GRIA2: variants seen among roughly 807,000 people sequenced by gnomAD.
The protein encoded by GRIA2 is glutamate receptor 2.
Under a neutral mutation model 97.3 loss-of-function variants are expected in GRIA2, and 14 were observed. The observed-to-expected ratio is 0.14, with a 90% CI of 0.10 to 0.23. The LOEUF (loss-of-function observed/expected upper bound fraction) is 0.23, where lower values mean the gene tolerates loss of function less well. GRIA2 is among the 10% of genes least tolerant of loss of function. GRIA2 has a pLI of 1.00. For missense variants in GRIA2, 558 were observed against 1,069.8 expected, an observed-to-expected ratio of 0.52 and a Z score of 6.67; for synonymous variants, 412 against 387.8, an observed-to-expected ratio of 1.06 and a Z score of -0.73.
At chr4:157,279,558 CA>C (rs1274741764) in intron 2 of GRIA2, among the ~76,000 whole-genome samples, 1 of 152,014 alleles carries the variant, frequency 6.6e-6, no homozygotes, top group African/African-American at 2.4e-5. Context: ...GGGATGTCCA[CA>C]GTAAAGAACT....
intron 2 of GRIA2, among the ~76,000 whole-genome samples, chr4:157,265,645 A>G (rs1731737769): frequency 6.6e-6 from 1 of 152,090 alleles, no homozygotes; most frequent in Non-Finnish European, 1.5e-5. Flanking sequence ...GAAGAAATAT[A>G]TTTCAATCTT....
At chr4:157,321,795 T>C (rs1734582726) in intron 6 of GRIA2, among the ~76,000 whole-genome samples, 196 bp downstream of exon 6, 1 of 152,216 alleles carries the variant, frequency 6.6e-6, no homozygotes, top group African/African-American at 2.4e-5. Flanking sequence ...ACTGTATTAC[T>C]CTTGTGTTTT....
chr4:157,327,727 G>T (rs1487297580), intron 6 of GRIA2, among the ~76,000 whole-genome samples: 1 of 152,110 alleles, frequency 6.6e-6, no homozygotes, highest in Non-Finnish European at 1.5e-5. Context: ...TGACATTTGT[G>T]TGGCACTTTA....
chr4:157,297,412 A>T (rs1190556523), intron 2 of GRIA2, among the ~76,000 whole-genome samples: 1 of 152,188 alleles, frequency 6.6e-6, no homozygotes, highest in East Asian at 1.9e-4. Flanking sequence ...AACATTAATT[A>T]GAACATTAAG....
intron 12 of GRIA2, 50 bp from the exon 13 acceptor site, chr4:157,359,846 T>A (rs956917297): frequency 6.4e-7 from 1 of 1,552,072 alleles, no homozygotes; most frequent in African/African-American, 1.4e-5. Context: ...TTGTGAGTAA[T>A]TTTTTAGGGC....
At chr4:157,232,868 T>C (rs1463850925) in intron 2 of GRIA2, among the ~76,000 whole-genome samples, 11 of 152,222 alleles carry the variant, frequency 7.2e-5, no homozygotes, top group South Asian at 4.1e-4. Flanking sequence ...GTCCTTGTAC[T>C]AGATGTATGA....
At chr4:157,291,628 C>T (rs962940746) in intron 2 of GRIA2, among the ~76,000 whole-genome samples, 1 of 151,914 alleles carries the variant, frequency 6.6e-6, no homozygotes, top group African/African-American at 2.4e-5. Context: ...TTTCATTGCA[C>T]AGATAACATA....
intron 2 of GRIA2, among the ~76,000 whole-genome samples, chr4:157,272,880 G>C (rs937868899): frequency 1.3e-5 from 2 of 151,964 alleles, no homozygotes; most frequent in Non-Finnish European, 2.9e-5. Flanking sequence ...ATGGGAACAG[G>C]CTCACTAAAA....
chr4:157,279,537 T>A (rs1732499378), intron 2 of GRIA2, among the ~76,000 whole-genome samples: 1 of 152,142 alleles, frequency 6.6e-6, no homozygotes, highest in African/African-American at 2.4e-5. Context: ...AATGTAATAC[T>A]ACTCTGATGT....
At chr4:157,313,906 G>A (rs1181860005) in intron 4 of GRIA2, among the ~76,000 whole-genome samples, 1 of 151,984 alleles carries the variant, frequency 6.6e-6, no homozygotes, top group Non-Finnish European at 1.5e-5. Context: ...ATACCATATT[G>A]TTATAATAAA....
intron 5 of GRIA2, among the ~76,000 whole-genome samples, chr4:157,318,036 A>G (rs1734402775): frequency 1.3e-5 from 2 of 152,156 alleles, no homozygotes; most frequent in Admixed American, 1.3e-4. Flanking sequence ...TATTGCTGCA[A>G]TTATGTTTTA....
At chr4:157,331,430 T>C (rs1055420743) in intron 6 of GRIA2, among the ~76,000 whole-genome samples, 3 of 151,990 alleles carry the variant, frequency 2.0e-5, no homozygotes, top group Non-Finnish European at 4.4e-5. Flanking sequence ...CTGCAATATT[T>C]TAAAATATTT....
intron 12 of GRIA2, among the ~76,000 whole-genome samples, chr4:157,355,447 G>A (rs1736208775): frequency 6.7e-6 from 1 of 150,334 alleles, no homozygotes; most frequent in Non-Finnish European, 1.5e-5. Context: ...AGAATTGCTT[G>A]AAGCCAAGAG....
chr4:157,320,484 T>C (rs1057429543), intron 5 of GRIA2, among the ~76,000 whole-genome samples: 2 of 152,112 alleles, frequency 1.3e-5, no homozygotes, highest in Admixed American at 1.3e-4. Flanking sequence ...ACAGAATATA[T>C]GATTTTTGTT....
chr4:157,272,542 A>T (rs1318068298), intron 2 of GRIA2, among the ~76,000 whole-genome samples: 2 of 152,086 alleles, frequency 1.3e-5, no homozygotes, highest in Non-Finnish European at 2.9e-5. Context: ...AGACCCAGTC[A>T]TTGCTCACTC....
intron 2 of GRIA2, among the ~76,000 whole-genome samples, chr4:157,295,475 T>A (rs1579340245): frequency 6.6e-6 from 1 of 152,206 alleles, no homozygotes; most frequent in South Asian, 2.1e-4. Flanking sequence ...TCACTTGGTG[T>A]TTCATTCAGT....
intron 12 of GRIA2, among the ~76,000 whole-genome samples, chr4:157,356,561 C>G (rs1736387443): frequency 6.6e-6 from 1 of 152,040 alleles, no homozygotes; most frequent in Non-Finnish European, 1.5e-5. Flanking sequence ...CCAAAGTCCA[C>G]ACAAAGGGGC....
intron 9 of GRIA2, chr4:157,334,504 T>G (rs1017842272): frequency 6.1e-6 from 1 of 163,390 alleles, no homozygotes; most frequent in African/African-American, 2.4e-5. Context: ...AAGTTGTCTT[T>G]ATTCTATCTA....
Position 157,363,026 on chromosome 4 carries a change from C to G in GRIA2, c.2634C>G (p.Ile878Met). 2 of 1,611,504 alleles carry G rather than the reference C, an allele frequency of 1.2e-6. No homozygotes were observed. The highest frequency in any genetic ancestry group is 1.7e-6 in the Non-Finnish European group (2 of 1,178,398). Residue 878 changes from isoleucine (I) to methionine (M), a missense_variant, in exon 15 of 16, where the codon ATC (isoleucine) becomes ATG (methionine). Ile to Met is a conservative substitution (Grantham distance 10). Coordinates refer to ENST00000264426, the MANE Select transcript of GRIA2 (RefSeq NM_001083619.3). Reference protein sequence around the residue: ...TYKEGYNVYGIESVKI With the variant: ...TYKEGYNVYGMESVKI ...AGGAAGGTTACAACGTATATGGCAT[C>G]GAAAGTGTTAAAATTTAGGGGGTAG...
Sources: gnomAD v4.1 joint callset for allele counts (sites outside exome capture counted in the v4.1 genomes callset) on GRCh38, gnomAD v4.1.1 for gene constraint, MANE v1.5 for transcripts, NCBI Gene and HGNC (gene_info 2026-07-23, HGNC 2026-07-21) for gene names.